Variants in SLCO1C1 observed in about 807,000 individuals in gnomAD.
The protein encoded by SLCO1C1 is OAT-RP-5.
Under a neutral mutation model 76.4 loss-of-function variants are expected in SLCO1C1, and 70 were observed. The ratio of observed to expected loss-of-function variants is 0.92; its 90% CI spans 0.76 to 1.12. SLCO1C1 has a LOEUF of 1.12. SLCO1C1 is among the 50% of genes most tolerant of loss of function. The pLI, the probability that SLCO1C1 is intolerant of heterozygous loss-of-function variation, is 0.00. For missense variants in SLCO1C1, 912 were observed against 823.8 expected (o/e 1.11, Z -1.31); for synonymous variants, 306 against 286.1 (o/e 1.07, Z -0.70).
intron 14 of SLCO1C1, 64 bp downstream of exon 14, chr12:20,750,856 T>G: frequency 1.2e-6 from 2 of 1,613,942 alleles, no homozygotes; most frequent in Non-Finnish European, 8.5e-7. Context: ...ACAATGCCAC[T>G]GACACTAACA....
At chr12:20,701,690 C>G (rs1946534311) in intron 3 of SLCO1C1, among the ~76,000 whole-genome samples, 2 of 151,006 alleles carry the variant, frequency 1.3e-5, no homozygotes, top group Admixed American at 6.6e-5. Flanking sequence ...ATGGTTCACA[C>G]AATTCAGAGT....
At chr12:20,738,845 AG>A (rs1201971763) in intron 11 of SLCO1C1, among the ~76,000 whole-genome samples, 1 of 152,202 alleles carries the variant, frequency 6.6e-6, no homozygotes. Flanking sequence ...TGAGATACAA[AG>A]GACTTGCTTA....
At chr12:20,737,366 G>A (rs943004775) in intron 11 of SLCO1C1, 94 bp downstream of exon 11, 2 of 1,301,954 alleles carry the variant, frequency 1.5e-6, no homozygotes, top group Non-Finnish European at 2.1e-6. Context: ...CTACTAGTAG[G>A]AGGCTTGCCT....
intron 13 of SLCO1C1, among the ~76,000 whole-genome samples, chr12:20,748,574 A>C (rs1949152920): frequency 1.3e-5 from 2 of 152,152 alleles, no homozygotes; most frequent in African/African-American, 2.4e-5. Flanking sequence ...TCATTATAAC[A>C]ATAGTGTCTT....
intron 1 of SLCO1C1, among the ~76,000 whole-genome samples, chr12:20,699,168 T>C (rs1946402200): frequency 6.6e-6 from 1 of 152,206 alleles, no homozygotes; most frequent in East Asian, 1.9e-4. Context: ...AAAGACTTTA[T>C]CCTAATGAAT....
chr12:20,742,411 C>T (rs1190827499), intron 12 of SLCO1C1, among the ~76,000 whole-genome samples: 3 of 151,354 alleles, frequency 2.0e-5, no homozygotes, highest in African/African-American at 7.3e-5. Context: ...GTGGTTAACA[C>T]TCAGTAGTTA....
At chr12:20,725,030 TTAATATGTATA>T (rs1168125871) in intron 9 of SLCO1C1, among the ~76,000 whole-genome samples, 2 of 140,592 alleles carry the variant, frequency 1.4e-5, no homozygotes, top group Admixed American at 1.5e-4. Flanking sequence ...CTAACATATA[TTAATATGTATA>T]TAATATGTAT....
At chr12:20,739,925 T>C (rs10770714) in intron 11 of SLCO1C1, among the ~76,000 whole-genome samples, 66,220 of 152,050 alleles carry the variant, frequency 0.44, 17,143 homozygotes, top group South Asian at 0.63. Flanking sequence ...AGGTAAGGTA[T>C]GGTTAGATTA....
chr12:20,715,123 T>G lies in SLCO1C1; in HGVS notation c.530-16T>G. The G allele has an allele frequency of 6.2e-7, 1 of 1,613,628 alleles. No individual in the cohort carries two copies. The highest frequency in any genetic ancestry group is 8.5e-7 in the Non-Finnish European group (1 of 1,179,778). On this transcript the variant is annotated splice_polypyrimidine_tract_variant and intron_variant, in intron 5 of 14. Transcript: ENST00000266509. Reference sequence around the variant, plus strand: ...AGTGATCTATTTTCAATCCTCTGGTTTGCCTTTCTTTCAAGAATGTGAAGT... The same window carrying G: ...AGTGATCTATTTTCAATCCTCTGGTGTGCCTTTCTTTCAAGAATGTGAAGT...
chr12:20,737,551 G>A (rs1009837241), intron 11 of SLCO1C1, among the ~76,000 whole-genome samples: 17 of 152,128 alleles, frequency 1.1e-4, no homozygotes, highest in African/African-American at 2.4e-5. Flanking sequence ...TGTTAGCCCT[G>A]AATTAGAATG....
chr12:20,723,350 G>A (rs1947777834), intron 9 of SLCO1C1, 96 bp downstream of exon 9: 3 of 1,443,380 alleles, frequency 2.1e-6, no homozygotes, highest in Admixed American at 2.5e-5. Context: ...CAAGATTTAG[G>A]TAATTTATGA....
At chr12:20,703,328 T>C (rs1305286949) in intron 3 of SLCO1C1, among the ~76,000 whole-genome samples, 1 of 151,938 alleles carries the variant, frequency 6.6e-6, no homozygotes, top group Non-Finnish European at 1.5e-5. Flanking sequence ...TGATTTTCCA[T>C]GGAAACTGTA....
At position 20,745,093 on chromosome 12, in the gene SLCO1C1, A is replaced by G. The variant is rs1266993493; in HGVS notation, c.1798+1724A>G. On this transcript the variant is annotated intron_variant, in intron 13 of 14. Coordinates refer to ENST00000266509, the MANE Select transcript of SLCO1C1 (RefSeq NM_017435.5). ...GTGCTAAGGCATTTTGCTCTTTTTT[A>G]AAAAAGAAACAATGGAAGCATCAAC... 3.9e-5 allele frequency among the ~76,000 whole-genome samples: 6 copies of G among 152,288 alleles called. No homozygotes were observed. The South Asian group carries it at 1.0e-3, about 26-fold the overall frequency.
chr12:20,723,261 T>A lies in SLCO1C1; in HGVS notation c.1186+7T>A. On this transcript the variant is annotated splice_region_variant and intron_variant, in intron 9 of 14. Transcript: ENST00000266509. Reference sequence around the variant, plus strand: ...AGGGCCAACTTTGTGATCGGTATGCTCATCTGCCTTTCATGCTTTCTCAGA... The same window carrying A: ...AGGGCCAACTTTGTGATCGGTATGCACATCTGCCTTTCATGCTTTCTCAGA... 6.2e-7 allele frequency: 1 copy of A among 1,612,552 alleles called. No homozygotes were observed. The highest frequency in any genetic ancestry group is 1.3e-5 in the African/African-American group (1 of 74,938).
At chr12:20,739,585 C>A (rs1948707593) in intron 11 of SLCO1C1, among the ~76,000 whole-genome samples, 1 of 151,790 alleles carries the variant, frequency 6.6e-6, no homozygotes, top group Non-Finnish European at 1.5e-5. Flanking sequence ...CAAAATGGGG[C>A]CTTTGCAAGG....
intron 9 of SLCO1C1, 120 bp downstream of exon 9, chr12:20,723,374 C>A: frequency 1.7e-6 from 2 of 1,191,024 alleles, no homozygotes; most frequent in Non-Finnish European, 1.2e-6. Flanking sequence ...TTTAGATGAG[C>A]TCAAAAAGTA....
chr12:20,742,605 C>T lies in SLCO1C1; in HGVS notation c.1734-700C>T, dbSNP rs546602319. On this transcript the variant is annotated intron_variant, in intron 12 of 14. Transcript: ENST00000266509. ...CTGGAGGGCAGTGGCACAATCTCGG[C>T]CCCCTGCAAGCTCCGCCTCTCGGGT... 6.1e-4 allele frequency among the ~76,000 whole-genome samples: 93 copies of T among 152,116 alleles called. No individual in the cohort carries two copies. In the Middle Eastern group the frequency reaches 0.017, roughly 28 times the overall value.
At chr12:20,706,214 G>A in intron 4 of SLCO1C1, 133 bp downstream of exon 4, 1 of 1,154,156 alleles carries the variant, frequency 8.7e-7, no homozygotes, top group Non-Finnish European at 1.2e-6. Flanking sequence ...CATTCTCTTT[G>A]GATAAAATTT....
intron 13 of SLCO1C1, among the ~76,000 whole-genome samples, chr12:20,744,043 C>T (rs1233666757): frequency 6.6e-6 from 1 of 151,918 alleles, no homozygotes; most frequent in Non-Finnish European, 1.5e-5. Flanking sequence ...GAAAAACAAA[C>T]TCAAAGCTTA....
Sources: gnomAD v4.1 joint callset for allele counts (sites outside exome capture counted in the v4.1 genomes callset) on GRCh38, gnomAD v4.1.1 for gene constraint, MANE v1.5 for transcripts, NCBI Gene and HGNC (gene_info 2026-07-23, HGNC 2026-07-21) for gene names.